Variants in AGBL1 observed in about 807,000 individuals in gnomAD.
The protein encoded by AGBL1 is cytosolic carboxypeptidase 4.
In AGBL1, 130 loss-of-function variants were observed where a neutral mutation model predicts 118.9. The observed-to-expected ratio is 1.09, with a 90% CI of 0.95 to 1.26. AGBL1 has a LOEUF of 1.26. AGBL1 is among the 50% of genes most tolerant of loss of function. The pLI, the probability that AGBL1 is intolerant of heterozygous loss-of-function variation, is 0.00. For synonymous variants in AGBL1, 555 were observed against 478.9 expected, an observed-to-expected ratio of 1.16 and a Z score of -2.08; for missense variants, 1,584 against 1,298.1, an observed-to-expected ratio of 1.22 and a Z score of -3.38.
intron 22 of AGBL1, among the ~76,000 whole-genome samples, chr15:86,824,226 A>G (rs2078977558): frequency 6.6e-6 from 1 of 152,166 alleles, no homozygotes; most frequent in South Asian, 2.1e-4. Context: ...AGAACTAAGA[A>G]ATGAGGTTAT....
intron 22 of AGBL1, among the ~76,000 whole-genome samples, chr15:86,767,822 G>A (rs929186963): frequency 1.3e-5 from 2 of 151,932 alleles, no homozygotes; most frequent in East Asian, 3.9e-4. Context: ...ATTCTGTAAA[G>A]CATGCCACCA....
rs748046112 is a variant in AGBL1, at chr15:86,909,645, A to G, written c.*2351A>G. On this transcript the variant is annotated 3_prime_UTR_variant, in exon 23 of 23. Coordinates refer to ENST00000614907, the MANE Select transcript of AGBL1 (RefSeq NM_001386094.1). ...ATAATGAAAGTGAAACCCAAACGCTATATAGCTCTTAACTCCTCCCATATT... is the reference window on the plus strand; with the variant it reads ...ATAATGAAAGTGAAACCCAAACGCTGTATAGCTCTTAACTCCTCCCATATT... The G allele has an allele frequency of 2.0e-5, 3 of 152,230 alleles. No homozygotes were observed. The highest frequency in any genetic ancestry group is 4.4e-5 in the Non-Finnish European group (3 of 68,026). 9.4% of individuals were successfully genotyped at this position (152,230 alleles called of 1,614,324 possible). A position where few individuals can be genotyped will look rare whatever the true frequency, so the allele number is the denominator to read the frequency against.
intron 5 of AGBL1, among the ~76,000 whole-genome samples, chr15:86,193,004 C>T (rs1040018623): frequency 6.6e-6 from 1 of 152,076 alleles, no homozygotes; most frequent in East Asian, 1.9e-4. Context: ...TCACATTTTT[C>T]AGTCAAAAAT....
At chr15:86,583,870 A>G (rs1242975312) in intron 21 of AGBL1, among the ~76,000 whole-genome samples, 2 of 152,168 alleles carry the variant, frequency 1.3e-5, no homozygotes, top group East Asian at 3.9e-4. Flanking sequence ...TGACATTTAA[A>G]ATTATAGTTA....
rs148302576 is a variant in AGBL1, at chr15:86,287,280, A to G, written c.2220+7497A>G. 4.3e-3 allele frequency among the ~76,000 whole-genome samples: 653 copies of G among 152,136 alleles called. 3 individuals carry two copies. The highest frequency in any genetic ancestry group is 0.011 in the Admixed American group (166 of 15,268). ...CCCTTATCTGATGTATGATTTGCAA[A>G]TATTTTCTCCCAATTTGTGGGTTGT... On this transcript the variant is annotated intron_variant, in intron 16 of 22. Coordinates refer to ENST00000614907, the MANE Select transcript of AGBL1 (RefSeq NM_001386094.1).
chr15:86,805,307 G>C (rs191016763), intron 22 of AGBL1, among the ~76,000 whole-genome samples: 1 of 152,132 alleles, frequency 6.6e-6, no homozygotes, highest in Non-Finnish European at 1.5e-5. Context: ...AACTGAGCAA[G>C]AGTGGTGCAA....
intron 21 of AGBL1, among the ~76,000 whole-genome samples, chr15:86,658,650 G>T (rs1240607848): frequency 6.6e-6 from 1 of 152,148 alleles, no homozygotes; most frequent in Non-Finnish European, 1.5e-5. Context: ...TTGACACATA[G>T]GTATCAGCAA....
intron 1 of AGBL1, among the ~76,000 whole-genome samples, chr15:86,110,548 G>A (rs111491688): frequency 8.5e-5 from 13 of 152,086 alleles, no homozygotes; most frequent in Admixed American, 2.6e-4. Flanking sequence ...TGCTGTCTCA[G>A]GGGTGGCAGA....
In AGBL1 at chr15:86,266,944, G is replaced by A. The variant is rs528563774; in HGVS notation, c.1752-46G>A. 10 of 1,335,158 alleles carry A rather than the reference G, an allele frequency of 7.5e-6. No individual in the cohort carries two copies. The Admixed American group carries it at 1.2e-4, about 16-fold the overall frequency. 82.7% of individuals were successfully genotyped at this position (1,335,158 alleles called of 1,614,324 possible). A position where few individuals can be genotyped will look rare whatever the true frequency, so the allele number is the denominator to read the frequency against. ...AAAGAATCATCACACTGTTTTCAAA[G>A]AGTAGTGATAACACATATGTTCACA... On this transcript the variant is annotated intron_variant, in intron 12 of 22. Coordinates refer to ENST00000614907, the MANE Select transcript of AGBL1 (RefSeq NM_001386094.1).
chr15:86,309,667 T>A (rs1211259682), intron 17 of AGBL1, among the ~76,000 whole-genome samples: 1 of 152,246 alleles, frequency 6.6e-6, no homozygotes, highest in Admixed American at 6.5e-5. Context: ...AATGACCATA[T>A]GATTTTTATC....
chr15:86,309,421 G>A (rs1461656275), intron 17 of AGBL1, among the ~76,000 whole-genome samples: 1 of 152,110 alleles, frequency 6.6e-6, no homozygotes, highest in Non-Finnish European at 1.5e-5. Flanking sequence ...TAATTGGTCT[G>A]GCTAGGACCA....
At chr15:86,425,363 G>A (rs991381787) in intron 18 of AGBL1, among the ~76,000 whole-genome samples, 1 of 152,092 alleles carries the variant, frequency 6.6e-6, no homozygotes, top group Non-Finnish European at 1.5e-5. Context: ...CACAGGCAGG[G>A]GAGTATCACA....
chr15:86,545,096 A>C (rs1307523522), intron 19 of AGBL1, among the ~76,000 whole-genome samples: 2 of 152,220 alleles, frequency 1.3e-5, no homozygotes, highest in Non-Finnish European at 2.9e-5. Flanking sequence ...CTTCAGTAGA[A>C]GCTTTAATGG....
chr15:86,859,701 T>C (rs1235911926), intron 22 of AGBL1, among the ~76,000 whole-genome samples: 1 of 152,100 alleles, frequency 6.6e-6, no homozygotes, highest in African/African-American at 2.4e-5. Flanking sequence ...TTAGAAATCA[T>C]GAAGGAGAGA....
chr15:87,008,799 C>G (rs898291985), intron 24 of AGBL1, among the ~76,000 whole-genome samples: 17 of 152,132 alleles, frequency 1.1e-4, no homozygotes, highest in African/African-American at 3.9e-4. Context: ...TATGTTTTAG[C>G]TAAGAGATTG....
At chr15:86,970,468 G>C (rs1251100227) in intron 23 of AGBL1, among the ~76,000 whole-genome samples, 7 of 151,852 alleles carry the variant, frequency 4.6e-5, no homozygotes, top group Non-Finnish European at 1.0e-4. Context: ...ATATTAATAA[G>C]TCAGTTTTAC....
chr15:86,758,812 A>G (rs2077979468), intron 22 of AGBL1, among the ~76,000 whole-genome samples: 1 of 151,828 alleles, frequency 6.6e-6, no homozygotes, highest in African/African-American at 2.4e-5. Context: ...TCTCTACAAA[A>G]AAATACAAAA....
chr15:86,901,769 C>T (rs1170735896), intron 22 of AGBL1, among the ~76,000 whole-genome samples: 2 of 151,750 alleles, frequency 1.3e-5, no homozygotes, highest in Admixed American at 6.6e-5. Flanking sequence ...ACTTTATGAC[C>T]CACACTGAAA....
intron 5 of AGBL1, among the ~76,000 whole-genome samples, chr15:86,197,424 T>C (rs1320853699): frequency 3.9e-5 from 6 of 152,180 alleles, no homozygotes; most frequent in African/African-American, 1.4e-4. Flanking sequence ...AAACAAGTTA[T>C]TGGAAACTGG....
Sources: gnomAD v4.1 joint callset for allele counts (sites outside exome capture counted in the v4.1 genomes callset) on GRCh38, gnomAD v4.1.1 for gene constraint, MANE v1.5 for transcripts, NCBI Gene and HGNC (gene_info 2026-07-23, HGNC 2026-07-21) for gene names.